LARS2: variants seen among roughly 807,000 people sequenced by gnomAD.
The protein encoded by LARS2 is leucyl-tRNA synthetase 2, mitochondrial.
A neutral mutation model predicts 116.6 loss-of-function variants in LARS2; 81 were observed. The observed-to-expected ratio is 0.69, with a 90% CI of 0.58 to 0.84. LARS2 has a LOEUF of 0.84. LARS2 is among the 40% of genes least tolerant of loss of function. The pLI, the probability that LARS2 is intolerant of heterozygous loss-of-function variation, is 0.00. For synonymous variants in LARS2, 396 were observed against 407.2 expected (o/e 0.97, Z 0.33); for missense variants, 968 against 1,114.5 (o/e 0.87, Z 1.87).
chr3:45,393,345 G>C (rs1229267176), intron 2 of LARS2, among the ~76,000 whole-genome samples: 1 of 152,152 alleles, frequency 6.6e-6, no homozygotes, highest in African/African-American at 2.4e-5. Flanking sequence ...GGGAGGCCAA[G>C]GTGGGTGGAT....
intron 14 of LARS2, among the ~76,000 whole-genome samples, chr3:45,497,312 A>C (rs1355604635): frequency 1.3e-5 from 2 of 151,690 alleles, no homozygotes; most frequent in Non-Finnish European, 2.9e-5. Context: ...CCAAAAAAAG[A>C]AACAAATTAA....
chr3:45,456,969 C>T (rs74940402), intron 7 of LARS2, among the ~76,000 whole-genome samples: 1 of 152,096 alleles, frequency 6.6e-6, no homozygotes, highest in East Asian at 1.9e-4. Flanking sequence ...AGAGCACACC[C>T]GAAAGGAGTC....
At chr3:45,503,801 T>A (rs1700158294) in intron 15 of LARS2, among the ~76,000 whole-genome samples, 1 of 152,034 alleles carries the variant, frequency 6.6e-6, no homozygotes. Flanking sequence ...TAACCCATGT[T>A]GACAATTTAA....
intron 6 of LARS2, among the ~76,000 whole-genome samples, chr3:45,443,066 CA>C (rs1698940652): frequency 6.6e-6 from 1 of 152,168 alleles, no homozygotes; most frequent in Non-Finnish European, 1.5e-5. Context: ...TTGTGACAAA[CA>C]AAAATGTCTC....
intron 10 of LARS2, among the ~76,000 whole-genome samples, chr3:45,482,158 A>G (rs2125723884): frequency 6.6e-6 from 1 of 152,330 alleles, no homozygotes; most frequent in East Asian, 1.9e-4. Flanking sequence ...ATGCTATCAG[A>G]AAACATTTCT....
intron 4 of LARS2, among the ~76,000 whole-genome samples, chr3:45,416,372 C>T (rs910823597): frequency 1.1e-4 from 16 of 152,006 alleles, no homozygotes; most frequent in African/African-American, 3.9e-4. Context: ...GTGTGAAACT[C>T]TTGATTCTGG....
intron 6 of LARS2, among the ~76,000 whole-genome samples, chr3:45,431,705 CAA>C (rs35013437): frequency 7.3e-6 from 1 of 137,316 alleles, no homozygotes; most frequent in African/African-American, 2.7e-5. Context: ...ATTTTACTAC[CAA>C]AAAAAAAAAA....
At chr3:45,522,143 A>G (rs1446540473) in intron 19 of LARS2, among the ~76,000 whole-genome samples, 1 of 152,158 alleles carries the variant, frequency 6.6e-6, no homozygotes, top group Non-Finnish European at 1.5e-5. Flanking sequence ...TCCCCATGCT[A>G]TTGCAAAGAT....
chr3:45,547,285 G>GCCC, intron 21 of LARS2, 66 bp from the exon 22 acceptor site: 1 of 1,412,040 alleles, frequency 7.1e-7, no homozygotes, highest in Non-Finnish European at 9.7e-7. Flanking sequence ...CAGGAGGTTT[G>GCCC]GTATTGGGCC....
chr3:45,411,360 G>A (rs1252370193), intron 4 of LARS2, among the ~76,000 whole-genome samples: 1 of 152,234 alleles, frequency 6.6e-6, no homozygotes, highest in Non-Finnish European at 1.5e-5. Context: ...GTTGATCAAA[G>A]GTTGGTCTTA....
intron 18 of LARS2, chr3:45,519,782 G>A: frequency 6.3e-6 from 1 of 159,552 alleles, no homozygotes; most frequent in South Asian, 1.8e-4. Context: ...CAAGTAGCTG[G>A]GATTACAGGT....
rs368730994 is a variant in LARS2 at position 45,493,805 on chromosome 3, A to T, written c.1523+2005A>T. Among the ~76,000 whole-genome samples the T allele has an allele frequency of 3.9e-5, 6 of 152,214 alleles. 1 individual carries two copies. The South Asian group carries it at 1.2e-3, about 32-fold the overall frequency. On this transcript the variant is annotated intron_variant, in intron 13 of 21. Coordinates refer to ENST00000645846, the MANE Select transcript of LARS2 (RefSeq NM_015340.4). Reference sequence around the variant, plus strand: ...TAGTTTTTAGTATCAGCAATAAAACATGTTAGTTGCCTTCAAGTCCAACAA... The same window carrying T: ...TAGTTTTTAGTATCAGCAATAAAACTTGTTAGTTGCCTTCAAGTCCAACAA...
At chr3:45,486,280 G>A (rs553359987) in intron 11 of LARS2, among the ~76,000 whole-genome samples, 2 of 152,284 alleles carry the variant, frequency 1.3e-5, no homozygotes, top group South Asian at 2.1e-4. Flanking sequence ...AGGCGAACTC[G>A]AGCTATTCAA....
intron 10 of LARS2, among the ~76,000 whole-genome samples, chr3:45,477,919 G>A (rs115088027): frequency 4.6e-5 from 7 of 151,986 alleles, no homozygotes; most frequent in East Asian, 1.9e-4. Flanking sequence ...CATTAAAGCC[G>A]GATTCAAATC....
intron 4 of LARS2, among the ~76,000 whole-genome samples, chr3:45,406,322 A>G (rs1698230989): frequency 6.6e-6 from 1 of 152,192 alleles, no homozygotes. Context: ...AGGTTGCGAT[A>G]TAGTCCTGCG....
intron 10 of LARS2, 43 bp from the exon 11 acceptor site, chr3:45,485,649 T>G (rs746654335): frequency 8.2e-6 from 9 of 1,099,976 alleles, no homozygotes; most frequent in Non-Finnish European, 1.2e-5. Context: ...GGTGTTGGTG[T>G]CTCAGTTGAG....
chr3:45,403,631 A>G (rs1255217720), intron 4 of LARS2, among the ~76,000 whole-genome samples: 1 of 152,130 alleles, frequency 6.6e-6, no homozygotes, highest in Non-Finnish European at 1.5e-5. Context: ...CCTGTTAGCA[A>G]AACAGGTGGT....
At position 45,476,617 on chromosome 3, in the gene LARS2, C is replaced by T. The variant is rs142803778; in HGVS notation, c.1008C>T (p.Val336=). The change falls in exon 10 of 22, where the codon GTC becomes GTT. Residue 336 remains valine, a synonymous_variant. Coordinates refer to ENST00000645846, the MANE Select transcript of LARS2 (RefSeq NM_015340.4). The part of the protein sequence containing the change: ...SLKEALRMAL[V]PGKDCLTPVM... The stretch of plus-strand genomic sequence containing the variant: ...AGGAAGCCTTGAGGATGGCCCTTGT[C>T]CCTGGCAAAGGTGAGCTGGCAAGTT... 5.4e-4 allele frequency: 879 copies of T among 1,614,052 alleles called. 1 individual carries two copies. In the Middle Eastern group the frequency reaches 8.4e-3, roughly 15 times the overall value.
At chr3:45,423,248 G>GT (rs1299139874) in intron 6 of LARS2, among the ~76,000 whole-genome samples, 4 of 152,082 alleles carry the variant, frequency 2.6e-5, no homozygotes, top group Admixed American at 6.6e-5. Flanking sequence ...TTTTCCAGGG[G>GT]TTTTTTGTTG....
Sources: allele counts gnomAD v4.1 joint callset (sites outside exome capture counted in the v4.1 genomes callset), GRCh38; gene constraint gnomAD v4.1.1; transcripts MANE v1.5; gene names NCBI Gene and HGNC (gene_info 2026-07-23, HGNC 2026-07-21).